STAU2: variants seen among roughly 807,000 people sequenced by gnomAD.
STAU2 encodes staufen double-stranded RNA binding protein 2.
A neutral mutation model predicts 65.9 loss-of-function variants in STAU2; 20 were observed. The observed-to-expected ratio is 0.30, with a 90% CI of 0.21 to 0.44. The LOEUF (loss-of-function observed/expected upper bound fraction) is 0.44. Ranked by LOEUF, STAU2 falls within the 20% of genes least tolerant of loss-of-function variation. The pLI is 1.00. For synonymous variants in STAU2, 232 were observed against 233.9 expected, an observed-to-expected ratio of 0.99 and a Z score of 0.07; for missense variants, 558 against 683.9, an observed-to-expected ratio of 0.82 and a Z score of 2.05.
In STAU2 at chr8:73,708,311, T is replaced by C. The variant is rs562385772; in HGVS notation, c.114+721A>G. On this transcript the variant is annotated intron_variant, in intron 4 of 14. Coordinates refer to ENST00000524300, the MANE Select transcript of STAU2 (RefSeq NM_001164380.2). ...GCTGCCACATTATATACAAATTTTATGATCATTATGATAATCTCCAATAGC... is the reference window on the plus strand; with the variant it reads ...GCTGCCACATTATATACAAATTTTACGATCATTATGATAATCTCCAATAGC... Among the ~76,000 whole-genome samples, 5 of 152,320 alleles carry C rather than the reference T, an allele frequency of 3.3e-5. No individual in the cohort carries two copies. The East Asian group carries it at 9.6e-4, about 29-fold the overall frequency.
intron 13 of STAU2, among the ~76,000 whole-genome samples, chr8:73,472,761 T>C (rs1203391418): frequency 6.6e-6 from 1 of 152,138 alleles, no homozygotes; most frequent in East Asian, 1.9e-4. Context: ...ACACTGCTAA[T>C]AGATAAAGGA....
At chr8:73,695,523 G>C (rs1012778633) in intron 4 of STAU2, among the ~76,000 whole-genome samples, 2 of 152,154 alleles carry the variant, frequency 1.3e-5, no homozygotes, top group African/African-American at 4.8e-5. Context: ...GGGTGACCCA[G>C]CACATTCCCA....
intron 11 of STAU2, among the ~76,000 whole-genome samples, chr8:73,591,882 T>TAAAAAAAAAAAA (rs34533172): frequency 1.8e-4 from 5 of 28,472 alleles, no homozygotes; most frequent in African/African-American, 4.6e-4. Context: ...ATCCCAGAGG[T>TAAAAAAAAAAAA]AAAAAAAAAA....
rs148467528 is a variant in STAU2 at position 73,439,457 on chromosome 8, A to G, written c.1531-16755T>C. On this transcript the variant is annotated intron_variant, in intron 13 of 14. Coordinates refer to ENST00000524300, the MANE Select transcript of STAU2 (RefSeq NM_001164380.2). ...CATGGTGAAACCCCATCTCTACTGA[A>G]AAATACAAAAATTAGCCTCACATGG... Among the ~76,000 whole-genome samples the G allele has an allele frequency of 4.4e-3, 667 of 152,302 alleles. 4 individuals are homozygous for G. The highest frequency in any genetic ancestry group is 0.015 in the African/African-American group (631 of 41,568).
intron 12 of STAU2, among the ~76,000 whole-genome samples, chr8:73,564,601 C>G (rs986776722): frequency 1.7e-5 from 2 of 120,010 alleles, no homozygotes; most frequent in African/African-American, 5.2e-5. Context: ...GTATGACAAG[C>G]CCCCATGACA....
At chr8:73,476,383 A>G (rs1820328013) in intron 13 of STAU2, among the ~76,000 whole-genome samples, 3 of 152,208 alleles carry the variant, frequency 2.0e-5, no homozygotes, top group Admixed American at 2.0e-4. Context: ...GTCACCTGAA[A>G]TTGAAACTGT....
At chr8:73,616,713 G>A (rs541123057) in intron 7 of STAU2, among the ~76,000 whole-genome samples, 4 of 152,096 alleles carry the variant, frequency 2.6e-5, no homozygotes, top group South Asian at 4.2e-4. Flanking sequence ...CAGGAGAATC[G>A]CTTGAACCCG....
intron 13 of STAU2, among the ~76,000 whole-genome samples, chr8:73,473,036 A>G (rs1820118759): frequency 6.6e-6 from 1 of 152,250 alleles, no homozygotes; most frequent in Non-Finnish European, 1.5e-5. Flanking sequence ...AGAAAAAAAT[A>G]TAACACTCCA....
intron 6 of STAU2, among the ~76,000 whole-genome samples, chr8:73,644,500 C>T (rs375995862): frequency 7.9e-4 from 119 of 150,420 alleles, no homozygotes; most frequent in African/African-American, 2.7e-3. Context: ...AAAGAAAAGA[C>T]GAAACGTTTC....
At chr8:73,686,494 G>A (rs1300414601) in intron 5 of STAU2, among the ~76,000 whole-genome samples, 1 of 151,408 alleles carries the variant, frequency 6.6e-6, no homozygotes, top group African/African-American at 2.4e-5. Context: ...AGGTTACAGT[G>A]AGCCGAGATT....
At chr8:73,430,840 A>G (rs1817215466) in intron 13 of STAU2, among the ~76,000 whole-genome samples, 1 of 152,250 alleles carries the variant, frequency 6.6e-6, no homozygotes, top group South Asian at 2.1e-4. Context: ...TAAATATGCT[A>G]CATAATATTA....
intron 10 of STAU2, among the ~76,000 whole-genome samples, chr8:73,597,428 T>G (rs1334471742): frequency 2.0e-5 from 3 of 150,202 alleles, no homozygotes; most frequent in African/African-American, 7.4e-5. Context: ...CCAAGGCAGG[T>G]GGATCACTTG....
At chr8:73,638,351 C>T (rs1185882854) in intron 6 of STAU2, among the ~76,000 whole-genome samples, 1 of 151,746 alleles carries the variant, frequency 6.6e-6, no homozygotes, top group Admixed American at 6.5e-5. Flanking sequence ...TGACTCCTCT[C>T]CCTTTTTCAA....
At chr8:73,556,012 A>T (rs1045986403) in intron 12 of STAU2, among the ~76,000 whole-genome samples, 3 of 152,234 alleles carry the variant, frequency 2.0e-5, no homozygotes, top group Admixed American at 6.5e-5. Flanking sequence ...AGAGGACATT[A>T]CTTTCAACAT....
chr8:73,437,559 A>C (rs1817796926), intron 13 of STAU2, among the ~76,000 whole-genome samples: 1 of 152,168 alleles, frequency 6.6e-6, no homozygotes, highest in Non-Finnish European at 1.5e-5. Context: ...TGACCTATAG[A>C]ACTGCAAGAT....
At chr8:73,661,345 T>A (rs1166157307) in intron 6 of STAU2, among the ~76,000 whole-genome samples, 3 of 152,216 alleles carry the variant, frequency 2.0e-5, no homozygotes, top group Non-Finnish European at 4.4e-5. Flanking sequence ...ACATTTACAA[T>A]GTTTTTGGCC....
intron 13 of STAU2, among the ~76,000 whole-genome samples, chr8:73,525,585 AAAGCTAGTTC>A (rs1371065769): frequency 1.3e-5 from 2 of 152,200 alleles, no homozygotes; most frequent in Non-Finnish European, 2.9e-5. Context: ...ACAAGGTCCC[AAAGCTAGTTC>A]AAGGCAAAAT....
In STAU2 at chr8:73,746,794, G is replaced by A; in HGVS notation, c.-208C>T. 2.4e-6 allele frequency: 3 copies of A among 1,231,712 alleles called. No individual in the cohort carries two copies. Among genetic ancestry groups the A allele is most frequent in the Non-Finnish European group, 1.0e-6 (1 of 986,718 alleles). The allele number at this position is 1,231,712 out of a possible 1,614,324, so 76.3% of individuals were successfully genotyped here. A position where few individuals can be genotyped will look rare whatever the true frequency, so the allele number is the denominator to read the frequency against. Reference sequence around the variant, plus strand: ...ATGAGGGTATTTACCTTCTTGCCGGGGACACTTTGCAGACGGCTCCAACAT... The same window carrying A: ...ATGAGGGTATTTACCTTCTTGCCGGAGACACTTTGCAGACGGCTCCAACAT... On this transcript the variant is annotated 5_prime_UTR_variant, in exon 1 of 15. Coordinates refer to ENST00000524300, the MANE Select transcript of STAU2 (RefSeq NM_001164380.2).
chr8:73,599,236 A>G (rs1318654406), intron 10 of STAU2, among the ~76,000 whole-genome samples: 1 of 152,182 alleles, frequency 6.6e-6, no homozygotes, highest in African/African-American at 2.4e-5. Context: ...GGATATCTAG[A>G]CTTATTATGA....
Sources: gnomAD v4.1 joint callset for allele counts (sites outside exome capture counted in the v4.1 genomes callset) on GRCh38, gnomAD v4.1.1 for gene constraint, MANE v1.5 for transcripts, NCBI Gene and HGNC (gene_info 2026-07-23, HGNC 2026-07-21) for gene names.